The following RBKS variants were observed in gnomAD, a reference collection of about 807,000 sequenced individuals.
RBKS encodes ribokinase.
In RBKS, 33 loss-of-function variants were observed where a neutral mutation model predicts 33.9. The observed-to-expected ratio is 0.97, with a 90% CI of 0.74 to 1.30. The LOEUF (loss-of-function observed/expected upper bound fraction) is 1.30, where lower values mean the gene tolerates loss of function less well. Ranked by LOEUF, RBKS falls within the 50% of genes most tolerant of loss-of-function variation. RBKS has a pLI of 0.00. For synonymous variants in RBKS, 125 were observed against 143.0 expected (o/e 0.87, Z 0.90); for missense variants, 361 against 392.6 (o/e 0.92, Z 0.68).
Position 27,831,459 on chromosome 2 carries a change from G to A in RBKS, c.606+1227C>T, listed in dbSNP as rs183409557. Among the ~76,000 whole-genome samples the A allele has an allele frequency of 2.9e-3, 435 of 152,260 alleles. 6 individuals are homozygous for A. Among genetic ancestry groups the A allele is most frequent in the Middle Eastern group, 0.01 (3 of 294 alleles). Reference sequence around the variant, plus strand: ...TCTAACCTCTTATTGTGAAATGATCGCTATTTCCCACAATTCCTTCTTCCT... The same window carrying A: ...TCTAACCTCTTATTGTGAAATGATCACTATTTCCCACAATTCCTTCTTCCT... On this transcript the variant is annotated intron_variant, in intron 6 of 7. Transcript: ENST00000302188.
At chr2:27,787,535 C>G (rs113257401) in intron 7 of RBKS, among the ~76,000 whole-genome samples, 17 of 152,306 alleles carry the variant, frequency 1.1e-4, no homozygotes, top group African/African-American at 4.1e-4. Flanking sequence ...GCTGGGATTA[C>G]AGGTACGAGC....
rs903184582 is a variant in RBKS at position 27,810,175 on chromosome 2, C to A, written c.795+17392G>T. ...ACCTGGTATATTTGTCTACACAACCCAAATTCGTCATATACTGGCTGATTT... is the reference window on the plus strand; with the variant it reads ...ACCTGGTATATTTGTCTACACAACCAAAATTCGTCATATACTGGCTGATTT... On this transcript the variant is annotated intron_variant, in intron 7 of 7. Coordinates refer to ENST00000302188, the MANE Select transcript of RBKS (RefSeq NM_022128.3). This position sits in a 1 kb window ranked among gnomAD's most constrained non-coding sequence, Gnocchi z 4.4. 5.2e-6 allele frequency: 6 copies of A among 1,162,222 alleles called. No homozygotes were observed. The South Asian group carries it at 8.7e-5, about 17-fold the overall frequency. The allele number at this position is 1,162,222 out of a possible 1,614,324, so 72.0% of individuals were successfully genotyped here.
At chr2:27,877,311 G>A (rs1462933006) in intron 1 of RBKS, among the ~76,000 whole-genome samples, 1 of 151,444 alleles carries the variant, frequency 6.6e-6, no homozygotes, top group Non-Finnish European at 1.5e-5. Context: ...TAAGAATGCT[G>A]TATTGGTATA....
At chr2:27,838,588 AT>A (rs1280333941) in intron 5 of RBKS, among the ~76,000 whole-genome samples, 2 of 152,234 alleles carry the variant, frequency 1.3e-5, no homozygotes, top group Admixed American at 1.3e-4. Flanking sequence ...AAAAGTGTAA[AT>A]GCCATAAAGA....
rs184183419 is a variant in RBKS, at chr2:27,875,466, T to C, written c.89+14791A>G. On this transcript the variant is annotated intron_variant, in intron 1 of 7. Coordinates refer to ENST00000302188, the MANE Select transcript of RBKS (RefSeq NM_022128.3). ...TACTCAGAAGGCTGAGGTGGGAGGA[T>C]TGATTGAGCCTGGAAGGTCAAGGCT... is the stretch of plus-strand genomic sequence containing the variant. 4.9e-3 allele frequency among the ~76,000 whole-genome samples: 743 copies of C among 152,224 alleles called. 4 individuals are homozygous for C. Among genetic ancestry groups the C allele is most frequent in the Admixed American group, 8.0e-3 (123 of 15,286 alleles).
chr2:27,821,860 C>T (rs533975623), intron 7 of RBKS, among the ~76,000 whole-genome samples: 4 of 152,252 alleles, frequency 2.6e-5, no homozygotes, highest in South Asian at 2.1e-4. Flanking sequence ...ACCCAAGATT[C>T]GACCATTTTT....
At chr2:27,851,568 C>T (rs564274126) in intron 2 of RBKS, among the ~76,000 whole-genome samples, 3 of 151,348 alleles carry the variant, frequency 2.0e-5, no homozygotes, top group South Asian at 2.1e-4. Context: ...GACGGAGTTT[C>T]GCTCTTGTTG....
At chr2:27,799,808 G>A (rs7570730) in intron 7 of RBKS, among the ~76,000 whole-genome samples, 43,610 of 151,998 alleles carry the variant, frequency 0.29, 7,075 homozygotes, top group East Asian at 0.62. Flanking sequence ...CTGCTGAGAT[G>A]GCTCATACTT....
At chr2:27,869,011 AT>A (rs1664153479) in intron 1 of RBKS, among the ~76,000 whole-genome samples, 1 of 152,204 alleles carries the variant, frequency 6.6e-6, no homozygotes, top group African/African-American at 2.4e-5. Context: ...AGTTATTATT[AT>A]TTTGATCCTA....
chr2:27,816,684 C>T lies in RBKS; in HGVS notation c.795+10883G>A, dbSNP rs558782902. 5.9e-5 allele frequency among the ~76,000 whole-genome samples: 9 copies of T among 152,120 alleles called. No homozygotes were observed. The South Asian group carries it at 1.5e-3, about 25-fold the overall frequency. On this transcript the variant is annotated intron_variant, in intron 7 of 7. Transcript: ENST00000302188. ...GCTGGTCTCGGCTCACTGCAAGCTC[C>T]GCCTCCTGGGTTCAGCCATTCTCCT...
chr2:27,800,122 G>A (rs1056863649), intron 7 of RBKS, among the ~76,000 whole-genome samples: 2 of 146,468 alleles, frequency 1.4e-5, no homozygotes, highest in African/African-American at 2.5e-5. Flanking sequence ...GCGCGATCAC[G>A]GCTCACTGCA....
chr2:27,832,572 C>A, intron 6 of RBKS, 114 bp downstream of exon 6: 1 of 745,272 alleles, frequency 1.3e-6, no homozygotes, highest in Non-Finnish European at 2.4e-6. Context: ...TCTGTTTTCA[C>A]CATGCCTGAG....
intron 7 of RBKS, among the ~76,000 whole-genome samples, chr2:27,803,758 G>C (rs768507213): frequency 3.3e-5 from 5 of 150,030 alleles, no homozygotes; most frequent in Non-Finnish European, 7.4e-5. Context: ...TTAAAAGACA[G>C]AGCAGGGGCC....
chr2:27,826,557 C>T (rs950435303), intron 7 of RBKS, among the ~76,000 whole-genome samples: 2 of 151,994 alleles, frequency 1.3e-5, no homozygotes, highest in Non-Finnish European at 2.9e-5. Flanking sequence ...TACAGGTGTG[C>T]ACCACCATGC....
At position 27,810,451 on chromosome 2, in the gene RBKS, C is replaced by T. The variant is rs571338124; in HGVS notation, c.795+17116G>A. 6.6e-6 allele frequency among the ~76,000 whole-genome samples: 1 copy of T among 152,154 alleles called. No individual in the cohort carries two copies. Among genetic ancestry groups the T allele is most frequent in the African/African-American group, 2.4e-5 (1 of 41,500 alleles). On this transcript the variant is annotated intron_variant, in intron 7 of 7. Transcript: ENST00000302188. The surrounding 1 kb of genome is among the most constrained non-coding windows in gnomAD (Gnocchi z 4.4). ...GAAGGGCATTTACCGGATGGAAGGG[C>T]ATTTATGGATCACCTGAGATTTTAA...
At chr2:27,783,982 T>C (rs1490185096) in intron 7 of RBKS, among the ~76,000 whole-genome samples, 3 of 78,024 alleles carry the variant, frequency 3.8e-5, no homozygotes, top group Middle Eastern at 4.5e-3. Context: ...TTTCTTTTTT[T>C]TTTTTTTTTT....
intron 2 of RBKS, among the ~76,000 whole-genome samples, chr2:27,852,647 C>T (rs1208239157): frequency 3.9e-5 from 6 of 152,162 alleles, no homozygotes. Flanking sequence ...TTCTACTCCT[C>T]AACATACATT....
At chr2:27,806,250 C>T (rs1677894396) in intron 7 of RBKS, among the ~76,000 whole-genome samples, 1 of 152,160 alleles carries the variant, frequency 6.6e-6, no homozygotes, top group East Asian at 1.9e-4. Flanking sequence ...GTTTTCCTCT[C>T]TTAATACCAG....
At chr2:27,853,591 G>C (rs2148216875) in intron 2 of RBKS, among the ~76,000 whole-genome samples, 1 of 152,196 alleles carries the variant, frequency 6.6e-6, no homozygotes, top group South Asian at 2.1e-4. Flanking sequence ...CGGGGAGGTT[G>C]AGGCTGCAGT....
Sources: allele counts gnomAD v4.1 joint callset (sites outside exome capture counted in the v4.1 genomes callset), GRCh38; gene constraint gnomAD v4.1.1; non-coding constraint Gnocchi (gnomAD v3.1); transcripts MANE v1.5; gene names NCBI Gene and HGNC (gene_info 2026-07-23, HGNC 2026-07-21).